TMEM26: variants seen among roughly 807,000 people sequenced by gnomAD.
The protein encoded by TMEM26 is transmembrane protein 26.
TMEM26 carries 38 observed loss-of-function variants against 28.8 expected under a neutral mutation model. That is an observed-to-expected ratio of 1.32 (90% CI 1.02 to 1.73). The LOEUF (loss-of-function observed/expected upper bound fraction) is 1.73, where lower values mean the gene tolerates loss of function less well. Among genes scored for constraint, TMEM26 ranks in the 40% most tolerant of loss-of-function variants. The pLI, the probability that TMEM26 is intolerant of heterozygous loss-of-function variation, is 0.00. For missense variants in TMEM26, 518 were observed against 447.1 expected, an observed-to-expected ratio of 1.16 and a Z score of -1.43; for synonymous variants, 227 against 182.9, an observed-to-expected ratio of 1.24 and a Z score of -1.95.
At chr10:61,437,341 T>C (rs1589040033) in intron 1 of TMEM26, among the ~76,000 whole-genome samples, 1 of 152,176 alleles carries the variant, frequency 6.6e-6, no homozygotes, top group East Asian at 1.9e-4. Context: ...TCACAGGGTT[T>C]TTAATTTTAC....
Position 61,410,639 on chromosome 10 carries a change from G to T in TMEM26, c.790C>A (p.Gln264Lys). The T allele has an allele frequency of 6.2e-7, 1 of 1,614,168 alleles. No individual in the cohort carries two copies. The highest frequency in any genetic ancestry group is 8.5e-7 in the Non-Finnish European group (1 of 1,180,030). The stretch of plus-strand genomic sequence containing the variant: ...CGCACGACAAGGAAGGGGCCATCTT[G>T]TATGAAGACGCTGATTCCGATGTTC... ...LWNIGISVFI[Q>K]DGPFLVVRLI... is the part of the protein sequence containing the mutation. Residue 264 changes from glutamine to lysine, a missense_variant, in exon 6 of 6, where the codon CAA becomes AAA. Physicochemically the swap from Gln to Lys is moderately conservative, Grantham distance 53 (BLOSUM62 1). Transcript: ENST00000399298.
At chr10:61,440,944 A>C (rs889778260) in intron 1 of TMEM26, among the ~76,000 whole-genome samples, 15 of 152,202 alleles carry the variant, frequency 9.9e-5, no homozygotes, top group Non-Finnish European at 1.5e-4. Context: ...TAACCTATGC[A>C]TATCCTCCCT....
intron 4 of TMEM26, among the ~76,000 whole-genome samples, chr10:61,416,919 A>G (rs1317873848): frequency 6.6e-6 from 1 of 152,084 alleles, no homozygotes; most frequent in African/African-American, 2.4e-5. Context: ...GTTTTTGCAT[A>G]TGTATATATT....
At chr10:61,420,278 T>C (rs72825280) in intron 4 of TMEM26, among the ~76,000 whole-genome samples, 31,620 of 152,030 alleles carry the variant, frequency 0.21, 3,591 homozygotes, top group Middle Eastern at 0.31. Context: ...CCTCATTATC[T>C]TCACATTGAG....
intron 4 of TMEM26, among the ~76,000 whole-genome samples, chr10:61,421,851 TAAATC>T (rs1839754592): frequency 6.6e-6 from 1 of 152,076 alleles, no homozygotes; most frequent in Non-Finnish European, 1.5e-5. Flanking sequence ...AATATACACT[TAAATC>T]AAAAGACAAA....
rs74157957 is a variant in TMEM26 at position 61,421,018 on chromosome 10, A to T, written c.606-7483T>A. 2.7e-3 allele frequency among the ~76,000 whole-genome samples: 417 copies of T among 152,252 alleles called. 1 individual carries two copies. Among genetic ancestry groups the T allele is most frequent in the African/African-American group, 9.7e-3 (403 of 41,576 alleles). On this transcript the variant is annotated intron_variant, in intron 4 of 5. Coordinates refer to ENST00000399298, the MANE Select transcript of TMEM26 (RefSeq NM_178505.8). ...AAAGATATAATATATGTATAAAAAT[A>T]ACAGCAAAAAGGAAGAGGAGGAAAC... is the stretch of plus-strand genomic sequence containing the variant.
At chr10:61,413,377 C>T in intron 5 of TMEM26, 82 bp downstream of exon 5, 3 of 1,552,398 alleles carry the variant, frequency 1.9e-6, no homozygotes, top group Non-Finnish European at 8.7e-7. Context: ...ATAATCCTTT[C>T]ACTTGCCTTC....
rs545066652 is a variant in TMEM26, at chr10:61,449,591, A to G, written c.191+3300T>C. ...ATTGGACTCGTTTGGGTCCAAGTGTAAATTTGAATTAAAAGAACAATACTC... is the reference window on the plus strand; with the variant it reads ...ATTGGACTCGTTTGGGTCCAAGTGTGAATTTGAATTAAAAGAACAATACTC... On this transcript the variant is annotated intron_variant, in intron 1 of 5. Coordinates refer to ENST00000399298, the MANE Select transcript of TMEM26 (RefSeq NM_178505.8). Among the ~76,000 whole-genome samples the G allele has an allele frequency of 1.1e-4, 17 of 152,316 alleles. No individual in the cohort carries two copies. The East Asian group carries it at 3.3e-3, about 29-fold the overall frequency.
chr10:61,445,433 A>C (rs1004542224), intron 1 of TMEM26, among the ~76,000 whole-genome samples: 6 of 152,222 alleles, frequency 3.9e-5, no homozygotes, highest in African/African-American at 9.7e-5. Flanking sequence ...ACCGATTTTT[A>C]TTCTAATAAG....
At chr10:61,440,353 A>G (rs974251820) in intron 1 of TMEM26, among the ~76,000 whole-genome samples, 13 of 152,144 alleles carry the variant, frequency 8.5e-5, no homozygotes, top group Admixed American at 7.2e-4. Context: ...TTCACAATCA[A>G]TGTTGAGGCA....
chr10:61,442,456 A>G lies in TMEM26; in HGVS notation c.192-6208T>C, dbSNP rs1840110189. On this transcript the variant is annotated intron_variant, in intron 1 of 5. Coordinates refer to ENST00000399298, the MANE Select transcript of TMEM26 (RefSeq NM_178505.8). ...TTAGTTTTTCTCTGTCTGTCTTCTGATCATATGTATATATCTGAAAATGGA... is the reference window on the plus strand; with the variant it reads ...TTAGTTTTTCTCTGTCTGTCTTCTGGTCATATGTATATATCTGAAAATGGA... Among the ~76,000 whole-genome samples the G allele has an allele frequency of 1.3e-5, 2 of 152,166 alleles. 1 individual carries two copies. Among genetic ancestry groups the G allele is most frequent in the South Asian group, 4.1e-4 (2 of 4,826 alleles).
At chr10:61,439,440 G>A (rs755181015) in intron 1 of TMEM26, among the ~76,000 whole-genome samples, 15 of 152,128 alleles carry the variant, frequency 9.9e-5, no homozygotes, top group Non-Finnish European at 1.8e-4. Context: ...TTGAATGCCC[G>A]AATTTATGAA....
At chr10:61,439,567 T>C (rs1840059476) in intron 1 of TMEM26, among the ~76,000 whole-genome samples, 1 of 152,234 alleles carries the variant, frequency 6.6e-6, no homozygotes. Context: ...TGAATTATTA[T>C]ATGTTAGTGA....
chr10:61,447,291 A>T (rs1431584970), intron 1 of TMEM26, among the ~76,000 whole-genome samples: 6 of 152,250 alleles, frequency 3.9e-5, no homozygotes, highest in Admixed American at 3.9e-4. Context: ...GAAAGCACAT[A>T]TTATCACATA....
chr10:61,422,056 A>T (rs1006925546), intron 4 of TMEM26, among the ~76,000 whole-genome samples: 1 of 152,178 alleles, frequency 6.6e-6, no homozygotes, highest in African/African-American at 2.4e-5. Context: ...AAGAAATATT[A>T]CTAAAGAAAA....
At chr10:61,415,799 T>C (rs1879468) in intron 4 of TMEM26, among the ~76,000 whole-genome samples, 14,458 of 152,084 alleles carry the variant, frequency 0.095, 845 homozygotes, top group East Asian at 0.21. Flanking sequence ...ATTTATAAAG[T>C]TTCTTGTACC....
intron 4 of TMEM26, among the ~76,000 whole-genome samples, chr10:61,425,972 C>A (rs1839824705): frequency 6.6e-6 from 1 of 151,938 alleles, no homozygotes; most frequent in African/African-American, 2.4e-5. Context: ...CATAGCCAGG[C>A]AAAAGTCTGT....
intron 1 of TMEM26, among the ~76,000 whole-genome samples, chr10:61,438,222 T>G (rs1840039342): frequency 6.6e-6 from 1 of 152,150 alleles, no homozygotes; most frequent in Admixed American, 6.6e-5. Context: ...GGTCATGATA[T>G]TATTAAAATC....
chr10:61,435,778 C>T (rs1409442707), intron 2 of TMEM26, among the ~76,000 whole-genome samples: 1 of 152,140 alleles, frequency 6.6e-6, no homozygotes, highest in Non-Finnish European at 1.5e-5. Context: ...TGTCACTTTA[C>T]AGGATGCCAG....
Sources: allele counts gnomAD v4.1 joint callset (sites outside exome capture counted in the v4.1 genomes callset), GRCh38; gene constraint gnomAD v4.1.1; transcripts MANE v1.5; gene names NCBI Gene and HGNC (gene_info 2026-07-23, HGNC 2026-07-21).